The following DUSP4 variants were observed in gnomAD, a reference collection of about 807,000 sequenced individuals.
DUSP4 encodes dual specificity protein phosphatase 4.
In DUSP4, 12 loss-of-function variants were observed where a neutral mutation model predicts 27.2. The ratio of observed to expected loss-of-function variants is 0.44; its 90% CI spans 0.28 to 0.71. The LOEUF (loss-of-function observed/expected upper bound fraction) is 0.71, where lower values mean the gene tolerates loss of function less well. DUSP4 is among the 30% of genes least tolerant of loss of function. The pLI, the probability that DUSP4 is intolerant of heterozygous loss-of-function variation, is 0.14. For missense variants in DUSP4, 448 were observed against 551.3 expected (o/e 0.81, Z 1.88); for synonymous variants, 257 against 245.2 (o/e 1.05, Z -0.45).
chr8:29,337,485 C>T lies in DUSP4; in HGVS notation c.800-74G>A, dbSNP rs1376778539. On this transcript the variant is annotated intron_variant, in intron 3 of 3. Coordinates refer to ENST00000240100, the MANE Select transcript of DUSP4 (RefSeq NM_001394.7). The surrounding 1 kb of genome is among the most constrained non-coding windows in gnomAD (Gnocchi z 6.4). Reference sequence around the variant, plus strand: ...CCCGACCAGGGGCACCGGCCAGCCCCTGGGGTCGGGGGGCTCTGAAGGAAG... The same window carrying T: ...CCCGACCAGGGGCACCGGCCAGCCCTTGGGGTCGGGGGGCTCTGAAGGAAG... The T allele has an allele frequency of 6.6e-7, 1 of 1,515,200 alleles. No homozygotes were observed. Among genetic ancestry groups the T allele is most frequent in the African/African-American group, 1.4e-5 (1 of 72,224 alleles). 93.9% of individuals were successfully genotyped at this position (1,515,200 alleles called of 1,614,324 possible).
intron 2 of DUSP4, among the ~76,000 whole-genome samples, 192 bp downstream of exon 2, chr8:29,339,906 G>T (rs906908693): frequency 6.6e-6 from 1 of 150,430 alleles, no homozygotes; most frequent in Non-Finnish European, 1.5e-5. Flanking sequence ...CCAGCTACCA[G>T]GGAGGATCCC....
chr8:29,340,328 G>A (rs1476233450), intron 1 of DUSP4, 85 bp from the exon 2 acceptor site: 10 of 1,483,120 alleles, frequency 6.7e-6, no homozygotes, highest in African/African-American at 1.4e-5. Flanking sequence ...AGACTCAGGC[G>A]GACTGCTAGG....
chr8:29,345,131 G>C (rs1325828891), intron 1 of DUSP4, among the ~76,000 whole-genome samples: 1 of 152,158 alleles, frequency 6.6e-6, no homozygotes, highest in African/African-American at 2.4e-5. Context: ...CCTTGGTCAT[G>C]AATCTTAATG....
rs1479199127 is a variant in DUSP4, at chr8:29,337,431, G to A, written c.800-20C>T. On this transcript the variant is annotated intron_variant, in intron 3 of 3. Coordinates refer to ENST00000240100, the MANE Select transcript of DUSP4 (RefSeq NM_001394.7). This position sits in a 1 kb window ranked among gnomAD's most constrained non-coding sequence, Gnocchi z 6.4. The stretch of plus-strand genomic sequence containing the variant: ...CGGCATCTGGGGACAGGGTTCAATA[G>A]GTTAGTGCACGTTTCTGCAGACCCC... 6.3e-7 allele frequency: 1 copy of A among 1,582,258 alleles called. No homozygotes were observed. Among genetic ancestry groups the A allele is most frequent in the Middle Eastern group, 1.7e-4 (1 of 5,750 alleles).
intron 1 of DUSP4, among the ~76,000 whole-genome samples, chr8:29,349,273 T>C (rs474824): frequency 0.51 from 78,041 of 152,212 alleles, 22,072 homozygotes; most frequent in African/African-American, 0.75. Context: ...AAGCTGAGCT[T>C]GGAGTTGGGC....
In DUSP4 at chr8:29,335,399, C is replaced by A. The variant is rs1416030024; in HGVS notation, c.*1627G>T. On this transcript the variant is annotated 3_prime_UTR_variant, in exon 4 of 4. Coordinates refer to ENST00000240100, the MANE Select transcript of DUSP4 (RefSeq NM_001394.7). ...CACCAGCAGTCAGCCCCAACCCCAC[C>A]CTGGCGCTTTGATTTCCAGTTTGGG... 6.6e-6 allele frequency: 1 copy of A among 152,236 alleles called. No individual in the cohort carries two copies. The highest frequency in any genetic ancestry group is 1.9e-4 in the East Asian group (1 of 5,198). 9.4% of individuals were successfully genotyped at this position (152,236 alleles called of 1,614,324 possible). A position where few individuals can be genotyped will look rare whatever the true frequency, so the allele number is the denominator to read the frequency against.
chr8:29,349,018 T>C (rs1298834164), intron 1 of DUSP4, among the ~76,000 whole-genome samples: 2 of 152,198 alleles, frequency 1.3e-5, no homozygotes, highest in African/African-American at 4.8e-5. Context: ...TTCCAGGATT[T>C]CCGACTACCA....
intron 1 of DUSP4, among the ~76,000 whole-genome samples, chr8:29,344,311 T>C (rs1303798771): frequency 6.6e-6 from 1 of 152,252 alleles, no homozygotes; most frequent in Non-Finnish European, 1.5e-5. Context: ...AATTTCATTA[T>C]CAAATGTGCC....
At chr8:29,339,828 A>ACCC (rs71551628) in intron 2 of DUSP4, among the ~76,000 whole-genome samples, 2 of 85,250 alleles carry the variant, frequency 2.3e-5, no homozygotes, top group Non-Finnish European at 4.8e-5. Flanking sequence ...ACATAGCAAG[A>ACCC]CCCCCCCCCC....
chr8:29,343,968 A>G (rs952506594), intron 1 of DUSP4, among the ~76,000 whole-genome samples: 5 of 152,208 alleles, frequency 3.3e-5, no homozygotes, highest in African/African-American at 1.2e-4. Context: ...GATTTAGATC[A>G]CCTAGTTTTA....
Position 29,350,273 on chromosome 8 carries a change from C to A in DUSP4, c.6G>T (p.Val2=). Residue 2 remains valine, a synonymous_variant, in exon 1 of 4, where the codon GTG becomes GTT. Transcript: ENST00000240100. ...CCATCTCCCGCAGCTCCTCCATCGTCACCATGGTCGCCGGGAACCGAGGCG... is the reference window on the plus strand; with the variant it reads ...CCATCTCCCGCAGCTCCTCCATCGTAACCATGGTCGCCGGGAACCGAGGCG... M[V]TMEELREMDC... The A allele has an allele frequency of 6.3e-7, 1 of 1,575,366 alleles. No homozygotes were observed. The highest frequency in any genetic ancestry group is 8.6e-7 in the Non-Finnish European group (1 of 1,159,396).
In DUSP4 at chr8:29,345,941, A is replaced by ATTTGCAAGCAGAAAGGCTATTT. The variant is rs1817727960; in HGVS notation, c.433+3904_433+3905insAAATAGCCTTTCTGCTTGCAAA. 6.1e-6 allele frequency: 6 copies of ATTTGCAAGCAGAAAGGCTATTT among 988,200 alleles called. No homozygotes were observed. In the South Asian group the frequency reaches 2.8e-4, roughly 46 times the overall value. The allele number at this position is 988,200 out of a possible 1,614,324, so 61.2% of individuals were successfully genotyped here. On this transcript the variant is annotated intron_variant, in intron 1 of 3. Coordinates refer to ENST00000240100, the MANE Select transcript of DUSP4 (RefSeq NM_001394.7). ...ATTACATTTGTAAGCAGAAACTACC[A>ATTTGCAAGCAGAAAGGCTATTT]TATTTGCAAGCAGAAAAGCGAGTCA...
At chr8:29,340,015 C>A in intron 2 of DUSP4, 83 bp downstream of exon 2, 1 of 1,486,694 alleles carries the variant, frequency 6.7e-7, no homozygotes, top group Non-Finnish European at 9.0e-7. Flanking sequence ...CAAAAAACAC[C>A]GTCAGAACTC....
At position 29,336,274 on chromosome 8, in the gene DUSP4, G is replaced by A. The variant is rs188881898; in HGVS notation, c.*752C>T. The A allele has an allele frequency of 3.2e-3, 478 of 149,846 alleles. 3 individuals are homozygous for A. Among genetic ancestry groups the A allele is most frequent in the Non-Finnish European group, 3.4e-3 (231 of 67,710 alleles). The allele number at this position is 149,846 out of a possible 1,614,324, so 9.3% of individuals were successfully genotyped here. Reference sequence around the variant, plus strand: ...CTTTCTTCCTCCTCCCACCCAACCCGCCTGCTTCTCAGTGGCAACAAACTC... The same window carrying A: ...CTTTCTTCCTCCTCCCACCCAACCCACCTGCTTCTCAGTGGCAACAAACTC... On this transcript the variant is annotated 3_prime_UTR_variant, in exon 4 of 4. Coordinates refer to ENST00000240100, the MANE Select transcript of DUSP4 (RefSeq NM_001394.7).
chr8:29,340,310 A>T, intron 1 of DUSP4, 67 bp from the exon 2 acceptor site: 1 of 1,515,278 alleles, frequency 6.6e-7, no homozygotes, highest in South Asian at 1.3e-5. Context: ...AAAGAACTCG[A>T]CTCCTACAGA....
chr8:29,339,046 G>C (rs964659704), intron 2 of DUSP4, among the ~76,000 whole-genome samples: 1 of 152,206 alleles, frequency 6.6e-6, no homozygotes, highest in Non-Finnish European at 1.5e-5. Context: ...AAGCTGGCAT[G>C]ATGGTGCACA....
chr8:29,342,125 C>T (rs1010546146), intron 1 of DUSP4, among the ~76,000 whole-genome samples: 3 of 152,052 alleles, frequency 2.0e-5, no homozygotes, highest in East Asian at 1.9e-4. Flanking sequence ...GCAGGCCCCA[C>T]GGTCACAGAG....
chr8:29,343,250 C>A (rs1271447876), intron 1 of DUSP4, among the ~76,000 whole-genome samples: 1 of 151,390 alleles, frequency 6.6e-6, no homozygotes, highest in Non-Finnish European at 1.5e-5. Flanking sequence ...TCGTCCCTGA[C>A]AGTGGTGGCC....
Position 29,349,828 on chromosome 8 carries a change from C to T in DUSP4, c.433+18G>A. The T allele has an allele frequency of 6.8e-7, 1 of 1,478,652 alleles. No individual in the cohort carries two copies. The highest frequency in any genetic ancestry group is 8.9e-7 in the Non-Finnish European group (1 of 1,122,370). The allele number at this position is 1,478,652 out of a possible 1,614,324, so 91.6% of individuals were successfully genotyped here. On this transcript the variant is annotated intron_variant, in intron 1 of 3. Coordinates refer to ENST00000240100, the MANE Select transcript of DUSP4 (RefSeq NM_001394.7). ...TCCATCTCCCCGACTCCAGCTAGCGCCCGGAGCCCTCGTTTACCTTTGAGC... is the reference window on the plus strand; with the variant it reads ...TCCATCTCCCCGACTCCAGCTAGCGTCCGGAGCCCTCGTTTACCTTTGAGC...
Sources: gnomAD v4.1 joint callset for allele counts (sites outside exome capture counted in the v4.1 genomes callset) on GRCh38, gnomAD v4.1.1 for gene constraint, Gnocchi (gnomAD v3.1) non-coding constraint, MANE v1.5 for transcripts, NCBI Gene and HGNC (gene_info 2026-07-23, HGNC 2026-07-21) for gene names.